The following LY75 variants were observed in gnomAD, a reference collection of about 807,000 sequenced individuals.
The protein encoded by LY75 is lymphocyte antigen 75.
Under a neutral mutation model 231.7 loss-of-function variants are expected in LY75, and 185 were observed. The observed-to-expected ratio is 0.80, with a 90% CI of 0.71 to 0.90. The LOEUF is 0.90. Among genes scored for constraint, LY75 ranks in the 40% least tolerant of loss-of-function variants. LY75 has a pLI of 0.00. For missense variants in LY75, 1,947 were observed against 2,050.2 expected (o/e 0.95, Z 0.97); for synonymous variants, 668 against 689.0 (o/e 0.97, Z 0.48).
intron 31 of LY75, among the ~76,000 whole-genome samples, chr2:159,812,659 T>C (rs879282208): frequency 2.6e-5 from 4 of 152,122 alleles, no homozygotes; most frequent in Non-Finnish European, 4.4e-5. Flanking sequence ...GCCACCCACC[T>C]GTCTCAGCCC....
At chr2:159,858,691 A>G (rs937357534) in intron 15 of LY75, among the ~76,000 whole-genome samples, 2 of 152,230 alleles carry the variant, frequency 1.3e-5, no homozygotes, top group South Asian at 4.1e-4. Context: ...TTGTAAAGTC[A>G]TGTTTATGTC....
chr2:159,897,010 C>A (rs1358724164), intron 2 of LY75, among the ~76,000 whole-genome samples: 2 of 152,086 alleles, frequency 1.3e-5, no homozygotes, highest in African/African-American at 4.8e-5. Context: ...TCTGGGTGGT[C>A]CCCTGGGTAG....
chr2:159,820,868 C>T (rs1025318080), intron 28 of LY75, among the ~76,000 whole-genome samples: 1 of 152,112 alleles, frequency 6.6e-6, no homozygotes, highest in African/African-American at 2.4e-5. Context: ...GAGACACAGT[C>T]TCACTCTGTC....
At chr2:159,827,453 G>A (rs1683508162) in intron 28 of LY75, among the ~76,000 whole-genome samples, 3 of 152,074 alleles carry the variant, frequency 2.0e-5, no homozygotes, top group Admixed American at 1.3e-4. Flanking sequence ...AAAAAGTCAG[G>A]AACAACAGGT....
chr2:159,901,128 C>T (rs945700116), intron 1 of LY75, among the ~76,000 whole-genome samples: 3 of 152,172 alleles, frequency 2.0e-5, no homozygotes, highest in African/African-American at 2.4e-5. Context: ...CATGAGATAC[C>T]GTGCCCAGCC....
intron 23 of LY75, among the ~76,000 whole-genome samples, chr2:159,844,713 GA>G (rs951563109): frequency 1.0e-4 from 15 of 148,952 alleles, no homozygotes; most frequent in South Asian, 4.2e-4. Context: ...GCCTATGGGG[GA>G]AAAAAAAACC....
At position 159,835,591 on chromosome 2, in the gene LY75, C is replaced by T; in HGVS notation, c.3562G>A (p.Ala1188Thr). 1 of 1,613,722 alleles carries T rather than the reference C, an allele frequency of 6.2e-7. No homozygotes were observed. The highest frequency in any genetic ancestry group is 8.5e-7 in the Non-Finnish European group (1 of 1,179,832). ...TCTTCGAGTTGCCCATTAGTTTCAG[C>T]CCAGCGACTAAAATGAAGACGTTTC... The part of the protein sequence containing the change: ...DGKRLHFSRW[A>T]ETNGQLEDCV... The change falls in exon 26 of 35, where the codon GCT becomes ACT. Residue 1188 changes from alanine to threonine, a missense_variant. Physicochemically the swap from Ala to Thr is moderately conservative, Grantham distance 58 (BLOSUM62 0). Coordinates refer to ENST00000263636, the MANE Select transcript of LY75 (RefSeq NM_002349.4).
chr2:159,904,288 C>T (rs6744553), intron 1 of LY75, among the ~76,000 whole-genome samples: 1 of 152,044 alleles, frequency 6.6e-6, no homozygotes, highest in Non-Finnish European at 1.5e-5. Flanking sequence ...GATGGAGCAG[C>T]GCACCCGGCC....
At chr2:159,861,457 G>T (rs1264725586) in intron 14 of LY75, among the ~76,000 whole-genome samples, 1 of 152,108 alleles carries the variant, frequency 6.6e-6, no homozygotes, top group Non-Finnish European at 1.5e-5. Context: ...CTCCAATAAG[G>T]ATACTTTTGG....
chr2:159,809,705 T>A (rs1376077557), intron 32 of LY75, among the ~76,000 whole-genome samples: 1 of 152,052 alleles, frequency 6.6e-6, no homozygotes, highest in South Asian at 2.1e-4. Flanking sequence ...TGAGATGGAG[T>A]CTTGCTCTGT....
intron 13 of LY75, among the ~76,000 whole-genome samples, chr2:159,869,711 A>G (rs1684954950): frequency 6.6e-6 from 1 of 152,178 alleles, no homozygotes; most frequent in South Asian, 2.1e-4. Flanking sequence ...GCTTCAAGTA[A>G]ATCTGTGCAA....
intron 32 of LY75, 86 bp downstream of exon 32, chr2:159,810,440 A>G (rs1448565862): frequency 1.3e-6 from 2 of 1,530,864 alleles, no homozygotes. Context: ...TATTTTCAAA[A>G]ATACAATCAT....
intron 23 of LY75, among the ~76,000 whole-genome samples, chr2:159,845,131 C>T (rs1314043738): frequency 6.6e-6 from 1 of 152,028 alleles, no homozygotes; most frequent in Non-Finnish European, 1.5e-5. Flanking sequence ...TAAAACTTCA[C>T]AGAGTGATCT....
rs915931102 is a variant in LY75 at position 159,878,699 on chromosome 2, G to A, written c.1538C>T (p.Thr513Ile). ...PDEGWKRHGE[T>I]CYKIYEDEVP... The stretch of plus-strand genomic sequence containing the variant: ...CTCATCCTCATAAATCTTGTAACAG[G>A]TTTCTCCATGTCTCTTCCAGCCCTA... Residue 513 changes from threonine (T) to isoleucine (I), a missense_variant, in exon 10 of 35, where the codon ACC becomes ATC. Coordinates refer to ENST00000263636, the MANE Select transcript of LY75 (RefSeq NM_002349.4). 6.2e-7 allele frequency: 1 copy of A among 1,613,940 alleles called. No individual in the cohort carries two copies. The highest frequency in any genetic ancestry group is 8.5e-7 in the Non-Finnish European group (1 of 1,179,900).
chr2:159,852,260 T>C lies in LY75; in HGVS notation c.2824A>G (p.Ser942Gly), dbSNP rs777388393. Residue 942 changes from serine to glycine, a missense_variant, in exon 21 of 35, where the codon AGC becomes GGC. Physicochemically the swap from Ser to Gly is moderately conservative, Grantham distance 56 (BLOSUM62 0). Transcript: ENST00000263636. ...KYNVSSLEKY[S>G]PDSAAKVQCS... ...TGCACTTTAGCTGCAGAATCTGGGC[T>C]GTATTTCTCTAACGAAGAAACATTA... 1 of 1,614,112 alleles carries C rather than the reference T, an allele frequency of 6.2e-7. No individual in the cohort carries two copies. The highest frequency in any genetic ancestry group is 1.7e-5 in the Admixed American group (1 of 60,012).
intron 17 of LY75, 81 bp downstream of exon 17, chr2:159,854,823 G>C: frequency 6.4e-7 from 1 of 1,559,064 alleles, no homozygotes; most frequent in African/African-American, 1.4e-5. Flanking sequence ...TAGAGAAGAA[G>C]CTGGCACTTA....
At chr2:159,904,497 CCAGGGGCG>C in intron 1 of LY75, 84 bp downstream of exon 1, 1 of 1,347,998 alleles carries the variant, frequency 7.4e-7, no homozygotes. Context: ...GTGACCTGCC[CCAGGGGCG>C]CAGCCCTGCC....
At chr2:159,848,534 C>A in intron 23 of LY75, among the ~76,000 whole-genome samples, 1 of 152,230 alleles carries the variant, frequency 6.6e-6, no homozygotes, top group African/African-American at 2.4e-5. Context: ...CCAAACACCA[C>A]CTGTTCCCCA....
At chr2:159,886,284 AG>A in intron 5 of LY75, 135 bp downstream of exon 5, 1 of 948,980 alleles carries the variant, frequency 1.1e-6, no homozygotes, top group South Asian at 2.9e-5. Context: ...TGGTTTAGGA[AG>A]AAAAAATTCT....
Sources: gnomAD v4.1 joint callset for allele counts (sites outside exome capture counted in the v4.1 genomes callset) on GRCh38, gnomAD v4.1.1 for gene constraint, MANE v1.5 for transcripts, NCBI Gene and HGNC (gene_info 2026-07-23, HGNC 2026-07-21) for gene names.